The following NOTCH2NLC variants were observed in gnomAD, a reference collection of about 807,000 sequenced individuals.
The protein encoded by NOTCH2NLC is notch 2 N-terminal like C, also known as notch homolog 2 N-terminal-like protein C.
Under a neutral mutation model 17.7 loss-of-function variants are expected in NOTCH2NLC, and 4 were observed. The observed-to-expected ratio is 0.23, with a 90% CI of 0.11 to 0.52. The LOEUF (loss-of-function observed/expected upper bound fraction) is 0.52, where lower values mean the gene tolerates loss of function less well. Among genes scored for constraint, NOTCH2NLC ranks in the 20% least tolerant of loss-of-function variants. The probability of loss-of-function intolerance (pLI) is 0.96; values close to 1 mark genes in which losing one functional copy is unlikely to be tolerated. For missense variants in NOTCH2NLC, 57 were observed against 207.2 expected, an observed-to-expected ratio of 0.28 and a Z score of 4.45; for synonymous variants, 18 against 86.0, an observed-to-expected ratio of 0.21 and a Z score of 4.38.
rs1304383086 is a variant in NOTCH2NLC, at chr1:149,460,505, A to G, written c.470-2986A>G. Among the ~76,000 whole-genome samples, 1,448 of 148,490 alleles carry G rather than the reference A, an allele frequency of 9.8e-3. 89 individuals carry two copies. Among genetic ancestry groups the G allele is most frequent in the Admixed American group, 0.079 (1,168 of 14,834 alleles). On this transcript the variant is annotated intron_variant, in intron 3 of 4. Transcript: ENST00000650865. Reference sequence around the variant, plus strand: ...AGGCACCTACCGCCATGCCCGGCTAATTTTTGTATTTTTAGTAGAGATGGG... The same window carrying G: ...AGGCACCTACCGCCATGCCCGGCTAGTTTTTGTATTTTTAGTAGAGATGGG...
At chr1:149,462,250 A>G (rs2084654752) in intron 3 of NOTCH2NLC, among the ~76,000 whole-genome samples, 1 of 142,238 alleles carries the variant, frequency 7.0e-6, no homozygotes, top group East Asian at 2.1e-4. Context: ...TTCTGTGAGG[A>G]TATTTTTTTC....
chr1:149,445,605 C>A (rs879172439), intron 2 of NOTCH2NLC, among the ~76,000 whole-genome samples: 1 of 150,740 alleles, frequency 6.6e-6, no homozygotes, highest in Non-Finnish European at 1.5e-5. Context: ...ATTGGGGGGC[C>A]AAGAGGCCCA....
chr1:149,439,628 CAT>C (rs1237715788), intron 2 of NOTCH2NLC, among the ~76,000 whole-genome samples: 3 of 109,820 alleles, frequency 2.7e-5, no homozygotes, highest in Non-Finnish European at 5.6e-5. Flanking sequence ...GTCCTCCTGT[CAT>C]ATGTGTGTAT....
chr1:149,400,271 A>G (rs1244288201), intron 1 of NOTCH2NLC, among the ~76,000 whole-genome samples: 1 of 136,390 alleles, frequency 7.3e-6, no homozygotes, highest in African/African-American at 2.7e-5. Context: ...CTTAATCTTA[A>G]TATGCCTCTC....
At chr1:149,392,803 G>A (rs1345518512) in intron 1 of NOTCH2NLC, among the ~76,000 whole-genome samples, 2 of 151,054 alleles carry the variant, frequency 1.3e-5, no homozygotes, top group Non-Finnish European at 3.0e-5. Flanking sequence ...CGGGCGCGGT[G>A]GCTCACGCCT....
At chr1:149,445,023 CTTTT>C (rs1250189527) in intron 2 of NOTCH2NLC, among the ~76,000 whole-genome samples, 1 of 146,510 alleles carries the variant, frequency 6.8e-6, no homozygotes, top group African/African-American at 2.5e-5. Flanking sequence ...AGCTTCTTCT[CTTTT>C]TTTCCCCTCT....
Position 149,435,426 on chromosome 1 carries a change from C to A in NOTCH2NLC, c.209+4411C>A, listed in dbSNP as rs1405669036. On this transcript the variant is annotated intron_variant, in intron 2 of 4. Coordinates refer to ENST00000650865, the MANE Select transcript of NOTCH2NLC (RefSeq NM_001364013.2). ...CTTATGGATGCTAGGTTTTAGGACA[C>A]GTTAGGGTGGGCCTACTTCTGTTCT... is the stretch of plus-strand genomic sequence containing the variant. 2.0e-5 allele frequency among the ~76,000 whole-genome samples: 3 copies of A among 146,864 alleles called. No individual in the cohort carries two copies. In the Admixed American group the frequency reaches 2.1e-4, roughly 10 times the overall value.
At chr1:149,394,866 C>T (rs1246455143) in intron 1 of NOTCH2NLC, among the ~76,000 whole-genome samples, 6 of 150,842 alleles carry the variant, frequency 4.0e-5, no homozygotes, top group Middle Eastern at 3.4e-3. Flanking sequence ...TCTTTGTCAG[C>T]CTACCATATG....
intron 2 of NOTCH2NLC, among the ~76,000 whole-genome samples, chr1:149,440,931 G>C (rs1413288790): frequency 6.7e-6 from 1 of 148,272 alleles, no homozygotes; most frequent in African/African-American, 2.5e-5. Flanking sequence ...CCTAGAGTGA[G>C]GGTGAAGGAG....
rs1213218854 is a variant in NOTCH2NLC at position 149,402,429 on chromosome 1, T to C, written c.135+11507T>C. On this transcript the variant is annotated intron_variant, in intron 1 of 4. Transcript: ENST00000650865. The stretch of plus-strand genomic sequence containing the variant: ...AGATTTTTTTTTCTTTTTTGATTTT[T>C]ATTATTATGTGTCTGTCATTCTGCT... Among the ~76,000 whole-genome samples the C allele has an allele frequency of 6.4e-5, 9 of 140,344 alleles. No homozygotes were observed. In the East Asian group the frequency reaches 1.5e-3, roughly 24 times the overall value. 92.1% of individuals were successfully genotyped at this position (140,344 alleles called of 152,430 possible).
At chr1:149,412,127 A>AAAAC (rs2084301282) in intron 1 of NOTCH2NLC, among the ~76,000 whole-genome samples, 3 of 144,846 alleles carry the variant, frequency 2.1e-5, no homozygotes, top group African/African-American at 7.7e-5. Flanking sequence ...AAAAAAAAAA[A>AAAAC]AAACAAAAAA....
At chr1:149,435,990 T>G (rs2084480156) in intron 2 of NOTCH2NLC, among the ~76,000 whole-genome samples, 1 of 146,658 alleles carries the variant, frequency 6.8e-6, no homozygotes, top group Non-Finnish European at 1.5e-5. Context: ...TTATGCCTGC[T>G]TTCAGTGATT....
chr1:149,398,676 C>G (rs2084223487), intron 1 of NOTCH2NLC, among the ~76,000 whole-genome samples: 1 of 151,246 alleles, frequency 6.6e-6, no homozygotes, highest in African/African-American at 2.4e-5. Context: ...GCATTTCCAG[C>G]CAGCTACGTC....
chr1:149,406,947 C>T (rs1250280537), intron 1 of NOTCH2NLC, among the ~76,000 whole-genome samples: 9 of 151,414 alleles, frequency 5.9e-5, no homozygotes. Context: ...GATTATGGAT[C>T]ACCTAAAGAG....
At position 149,441,866 on chromosome 1, in the gene NOTCH2NLC, AT is replaced by A. The variant is rs1189238314; in HGVS notation, c.209+10853del. On this transcript the variant is annotated intron_variant, in intron 2 of 4. Coordinates refer to ENST00000650865, the MANE Select transcript of NOTCH2NLC (RefSeq NM_001364013.2). Reference sequence around the variant, plus strand: ...CTATTCTTTTCTAAATTTTATAAGAATTGATGATAGCATCATGAGATGGGAA... The same window carrying A: ...CTATTCTTTTCTAAATTTTATAAGAATGATGATAGCATCATGAGATGGGAA... Among the ~76,000 whole-genome samples the A allele has an allele frequency of 2.4e-4, 16 of 66,486 alleles. No homozygotes were observed. In the East Asian group the frequency reaches 6.9e-3, roughly 29 times the overall value. The allele number at this position is 66,486 out of a possible 152,430, so 43.6% of individuals were successfully genotyped here.
At chr1:149,463,173 C>T (rs2084661194) in intron 3 of NOTCH2NLC, among the ~76,000 whole-genome samples, 1 of 150,780 alleles carries the variant, frequency 6.6e-6, no homozygotes, top group Non-Finnish European at 1.5e-5. Flanking sequence ...TATGCAAAGA[C>T]AGCTCTGAGA....
rs1253350610 is a variant in NOTCH2NLC, at chr1:149,405,428, C to T, written c.135+14506C>T. ...AAGACTTTACTTGTTTCCTTTAGTC[C>T]TTAAAATAGATGTTAGGATTCTTGT... On this transcript the variant is annotated intron_variant, in intron 1 of 4. Coordinates refer to ENST00000650865, the MANE Select transcript of NOTCH2NLC (RefSeq NM_001364013.2). 1.4e-5 allele frequency among the ~76,000 whole-genome samples: 2 copies of T among 145,478 alleles called. 1 individual carries two copies. The highest frequency in any genetic ancestry group is 3.0e-5 in the Non-Finnish European group (2 of 66,318).
intron 1 of NOTCH2NLC, among the ~76,000 whole-genome samples, chr1:149,416,542 T>C (rs2084336122): frequency 1.1e-5 from 1 of 90,490 alleles, no homozygotes; most frequent in African/African-American, 4.3e-5. Context: ...CTACTTTTAA[T>C]AGGGCCGTCA....
At chr1:149,436,789 T>C (rs1475240739) in intron 2 of NOTCH2NLC, among the ~76,000 whole-genome samples, 12 of 145,148 alleles carry the variant, frequency 8.3e-5, no homozygotes, top group Admixed American at 8.3e-4. Context: ...ATTGTGTATA[T>C]AGTTTTTCTG....
Sources: allele counts gnomAD v4.1 joint callset (sites outside exome capture counted in the v4.1 genomes callset), GRCh38; gene constraint gnomAD v4.1.1; transcripts MANE v1.5; gene names NCBI Gene and HGNC (gene_info 2026-07-23, HGNC 2026-07-21).